Variants in OPHN1 observed in about 807,000 individuals in gnomAD.
OPHN1 encodes the protein oligophrenin-1.
OPHN1 carries 11 observed loss-of-function variants against 60.7 expected under a neutral mutation model. That is an observed-to-expected ratio of 0.18 (90% CI 0.11 to 0.30). The LOEUF (loss-of-function observed/expected upper bound fraction) is 0.30. Among genes scored for constraint, OPHN1 ranks in the 10% least tolerant of loss-of-function variants. OPHN1 has a pLI of 1.00. For synonymous variants in OPHN1, 226 were observed against 222.6 expected (o/e 1.02, Z -0.14); for missense variants, 449 against 611.0 (o/e 0.73, Z 2.80).
At chrX:68,252,745 G>T (rs1451799612) in intron 5 of OPHN1, among the ~76,000 whole-genome samples, 3 of 111,644 alleles carry the variant, frequency 2.7e-5, no homozygotes, top group African/African-American at 9.8e-5. Flanking sequence ...AATTCTGGTT[G>T]GGGTGCAGGG....
At chrX:68,248,337 T>C (rs1260239176) in intron 5 of OPHN1, among the ~76,000 whole-genome samples, 3 of 110,321 alleles carry the variant, frequency 2.7e-5, no homozygotes, top group Non-Finnish European at 3.8e-5. Flanking sequence ...AACGGGCATA[T>C]GAAAAGATGC....
chrX:68,229,917 T>C, intron 6 of OPHN1, among the ~76,000 whole-genome samples: 1 of 111,583 alleles, frequency 9.0e-6, no homozygotes, highest in Non-Finnish European at 1.9e-5. Flanking sequence ...ACAAATGGGA[T>C]CTAATTAAAC....
chrX:68,240,825 T>C (rs907222512), intron 5 of OPHN1, among the ~76,000 whole-genome samples: 5 of 112,049 alleles, frequency 4.5e-5, no homozygotes, highest in African/African-American at 1.6e-4. Flanking sequence ...AAATGCTCAA[T>C]ACATTTGTTT....
At chrX:68,324,290 T>C (rs2078248497) in intron 2 of OPHN1, among the ~76,000 whole-genome samples, 2 of 110,772 alleles carry the variant, frequency 1.8e-5, no homozygotes, top group African/African-American at 6.6e-5. Context: ...TGAAAATCAA[T>C]TGAATTCCAA....
intron 15 of OPHN1, among the ~76,000 whole-genome samples, chrX:68,128,783 G>C (rs1228101446): frequency 8.9e-6 from 1 of 112,012 alleles, no homozygotes; most frequent in Non-Finnish European, 1.9e-5. Context: ...TTTTTAAACA[G>C]AATAATTATG....
At chrX:68,343,609 T>A (rs1487039511) in intron 2 of OPHN1, among the ~76,000 whole-genome samples, 5 of 110,219 alleles carry the variant, frequency 4.5e-5, no homozygotes, top group Non-Finnish European at 7.6e-5. Context: ...TATATCTCAT[T>A]AAAACTGTCA....
At chrX:68,164,415 C>T (rs540675850) in intron 15 of OPHN1, among the ~76,000 whole-genome samples, 4 of 112,233 alleles carry the variant, frequency 3.6e-5, no homozygotes, top group East Asian at 2.8e-4. Context: ...AGGAAAACAA[C>T]GTTAATCTCC....
At chrX:68,260,950 C>T (rs771422246) in intron 5 of OPHN1, among the ~76,000 whole-genome samples, 1 of 111,887 alleles carries the variant, frequency 8.9e-6, no homozygotes, top group East Asian at 2.8e-4. Flanking sequence ...GATACGTTTT[C>T]AGTCTCATCT....
intron 15 of OPHN1, among the ~76,000 whole-genome samples, chrX:68,159,067 A>C (rs1191335075): frequency 1.8e-5 from 2 of 111,127 alleles, no homozygotes; most frequent in South Asian, 3.8e-4. Context: ...CTACCTCCCA[A>C]AGCTTTAGTG....
At chrX:68,157,085 T>G (rs73526536) in intron 15 of OPHN1, among the ~76,000 whole-genome samples, 5,279 of 111,993 alleles carry the variant, frequency 0.047, 317 homozygotes, top group African/African-American at 0.16. Flanking sequence ...AGTAACCATA[T>G]GCACACTTGG....
intron 2 of OPHN1, among the ~76,000 whole-genome samples, chrX:68,328,462 C>T (rs1437946875): frequency 8.9e-6 from 1 of 112,721 alleles, no homozygotes; most frequent in Non-Finnish European, 1.9e-5. Context: ...CACAAGAAAA[C>T]ATCTCTAACT....
chrX:68,082,778 T>C (rs182852367), intron 19 of OPHN1, among the ~76,000 whole-genome samples: 140 of 112,274 alleles, frequency 1.2e-3, no homozygotes, highest in African/African-American at 4.3e-3. Flanking sequence ...TAGTCCTTAA[T>C]GAAAAGAGTC....
At chrX:68,234,416 C>A in intron 6 of OPHN1, 71 bp downstream of exon 6, 4 of 825,238 alleles carry the variant, frequency 4.8e-6, no homozygotes, top group Non-Finnish European at 7.4e-6. Flanking sequence ...AAAAGCCTTG[C>A]AGTACAAAAT....
At chrX:68,395,041 C>T (rs188267730) in intron 2 of OPHN1, among the ~76,000 whole-genome samples, 59 of 110,606 alleles carry the variant, frequency 5.3e-4, no homozygotes, top group African/African-American at 1.8e-3. Context: ...CCGCAACCTC[C>T]GCCTCCCAGA....
intron 2 of OPHN1, among the ~76,000 whole-genome samples, chrX:68,317,038 C>T (rs756643569): frequency 3.6e-5 from 4 of 110,385 alleles, no homozygotes; most frequent in African/African-American, 9.9e-5. Context: ...GTGGCACAAG[C>T]CTGTAATCCC....
chrX:68,245,610 G>A (rs2077801893), intron 5 of OPHN1, among the ~76,000 whole-genome samples: 1 of 111,075 alleles, frequency 9.0e-6, no homozygotes, highest in African/African-American at 3.3e-5. Flanking sequence ...ATGTCAATGT[G>A]GCTACCAGCC....
intron 3 of OPHN1, among the ~76,000 whole-genome samples, chrX:68,288,753 A>T (rs1478532984): frequency 9.0e-6 from 1 of 111,340 alleles, no homozygotes; most frequent in African/African-American, 3.3e-5. Flanking sequence ...GACAAGAGTG[A>T]AACTTCATCT....
intron 2 of OPHN1, among the ~76,000 whole-genome samples, chrX:68,402,346 AAGG>A (rs1290068779): frequency 5.7e-5 from 6 of 105,026 alleles, no homozygotes; most frequent in African/African-American, 1.0e-4. Flanking sequence ...AAAGAAGAAG[AAGG>A]AGGAGAAGGA....
chrX:68,100,043 T>C (rs1419748932), intron 18 of OPHN1, among the ~76,000 whole-genome samples: 1 of 111,730 alleles, frequency 9.0e-6, no homozygotes, highest in East Asian at 2.8e-4. Context: ...TCTGGGCCTA[T>C]CTTTTTCCAT....
Sources: allele counts gnomAD v4.1 joint callset (sites outside exome capture counted in the v4.1 genomes callset), GRCh38; gene constraint gnomAD v4.1.1; transcripts MANE v1.5; gene names NCBI Gene and HGNC (gene_info 2026-07-23, HGNC 2026-07-21).